The following GREB1L variants were observed in gnomAD, a reference collection of about 807,000 sequenced individuals.
GREB1L encodes the protein GREB1 like retinoic acid receptor coactivator, also known as GREB1-like protein.
Under a neutral mutation model 200.8 loss-of-function variants are expected in GREB1L, and 17 were observed. That is an observed-to-expected ratio of 0.08 (90% CI 0.06 to 0.13). GREB1L has a LOEUF of 0.13. Ranked by LOEUF, GREB1L falls within the 10% of genes least tolerant of loss-of-function variation. The pLI, the probability that GREB1L is intolerant of heterozygous loss-of-function variation, is 1.00. For synonymous variants in GREB1L, 789 were observed against 893.0 expected, an observed-to-expected ratio of 0.88 and a Z score of 2.08; for missense variants, 1,657 against 2,367.7, an observed-to-expected ratio of 0.70 and a Z score of 6.23.
intron 1 of GREB1L, among the ~76,000 whole-genome samples, chr18:21,288,550 T>C (rs1369193891): frequency 6.6e-6 from 1 of 152,212 alleles, no homozygotes; most frequent in Non-Finnish European, 1.5e-5. Context: ...TGGATATTCT[T>C]TTTATAGTTT....
chr18:21,263,123 G>T (rs1455382133), intron 1 of GREB1L, among the ~76,000 whole-genome samples: 1 of 152,200 alleles, frequency 6.6e-6, no homozygotes, highest in Non-Finnish European at 1.5e-5. Context: ...TGGGGAGAAT[G>T]AAACTTGAAT....
chr18:21,399,616 G>A (rs1386403685), intron 5 of GREB1L, among the ~76,000 whole-genome samples: 1 of 152,138 alleles, frequency 6.6e-6, no homozygotes, highest in Non-Finnish European at 1.5e-5. Flanking sequence ...ATAGTCAAAT[G>A]TTCTCAAATA....
chr18:21,266,214 T>C (rs1196373747), intron 1 of GREB1L, among the ~76,000 whole-genome samples: 1 of 152,190 alleles, frequency 6.6e-6, no homozygotes, highest in African/African-American at 2.4e-5. Context: ...CTCAGCTGGT[T>C]ACGGTATCAA....
In GREB1L at chr18:21,421,768, C is replaced by T. The variant is rs150154675; in HGVS notation, c.833-17753C>T. ...TAATAATTGGTGAAATAAGAGGTAA[C>T]GAGTGGCAAAAATCAAGATTCAAAC... On this transcript the variant is annotated intron_variant, in intron 7 of 32. Coordinates refer to ENST00000424526, the MANE Select transcript of GREB1L (RefSeq NM_001142966.3). Among the ~76,000 whole-genome samples the T allele has an allele frequency of 2.7e-3, 405 of 152,214 alleles. 1 individual carries two copies. Among genetic ancestry groups the T allele is most frequent in the Non-Finnish European group, 4.7e-3 (318 of 68,014 alleles).
At chr18:21,511,017 G>A (rs1206768316) in intron 27 of GREB1L, among the ~76,000 whole-genome samples, 1 of 152,098 alleles carries the variant, frequency 6.6e-6, no homozygotes, top group Non-Finnish European at 1.5e-5. Context: ...TTGTTGTTGA[G>A]TTGTAGCAGT....
chr18:21,366,468 C>T (rs2143649420), intron 2 of GREB1L, among the ~76,000 whole-genome samples: 1 of 152,212 alleles, frequency 6.6e-6, no homozygotes, highest in South Asian at 2.1e-4. Context: ...AGATTATAGG[C>T]TTCTGCATAA....
At chr18:21,432,985 G>A (rs1314367050) in intron 7 of GREB1L, among the ~76,000 whole-genome samples, 1 of 152,078 alleles carries the variant, frequency 6.6e-6, no homozygotes, top group African/African-American at 2.4e-5. Flanking sequence ...GGGATTACAG[G>A]CATGAGCCAC....
At chr18:21,310,761 A>G (rs747623517) in intron 1 of GREB1L, among the ~76,000 whole-genome samples, 6 of 152,218 alleles carry the variant, frequency 3.9e-5, no homozygotes, top group Non-Finnish European at 8.8e-5. Flanking sequence ...TGACATTTCC[A>G]TCATTAGTAA....
chr18:21,335,682 G>A (rs1244203089), intron 1 of GREB1L, among the ~76,000 whole-genome samples: 2 of 138,206 alleles, frequency 1.4e-5, no homozygotes, highest in East Asian at 2.1e-4. Context: ...TTTTTTTTTC[G>A]AGACAGAGTC....
intron 1 of GREB1L, among the ~76,000 whole-genome samples, chr18:21,349,079 G>T (rs944767931): frequency 6.6e-5 from 10 of 152,144 alleles, no homozygotes; most frequent in African/African-American, 1.9e-4. Flanking sequence ...CAATGAAAGG[G>T]CTTCTCTTCT....
chr18:21,485,446 G>A, intron 17 of GREB1L, 174 bp from the exon 18 acceptor site: 1 of 458,894 alleles, frequency 2.2e-6, no homozygotes, highest in Admixed American at 4.1e-5. Context: ...GTTTCACTTA[G>A]TGCCTCAGAG....
chr18:21,516,976 C>T (rs544776531), intron 30 of GREB1L, among the ~76,000 whole-genome samples: 2 of 149,428 alleles, frequency 1.3e-5, no homozygotes, highest in South Asian at 2.1e-4. Flanking sequence ...TGGGTTCAAG[C>T]GATTCTTGTA....
chr18:21,441,620 C>G, intron 10 of GREB1L, 83 bp downstream of exon 10: 1 of 1,244,456 alleles, frequency 8.0e-7, no homozygotes, highest in South Asian at 1.5e-5. Flanking sequence ...TTCATGTATT[C>G]ATGAAGATAT....
intron 11 of GREB1L, among the ~76,000 whole-genome samples, chr18:21,448,356 A>G (rs1314405715): frequency 7.2e-5 from 11 of 152,132 alleles, no homozygotes; most frequent in Admixed American, 1.3e-4. Context: ...TTTATAATGT[A>G]TAAGATTTTA....
intron 1 of GREB1L, among the ~76,000 whole-genome samples, chr18:21,262,752 T>C (rs1567912451): frequency 1.3e-5 from 2 of 152,158 alleles, no homozygotes; most frequent in Non-Finnish European, 2.9e-5. Flanking sequence ...GCCAGTGATA[T>C]CAACCCATGG....
At chr18:21,371,126 T>C (rs972711228) in intron 2 of GREB1L, among the ~76,000 whole-genome samples, 2 of 152,174 alleles carry the variant, frequency 1.3e-5, no homozygotes, top group African/African-American at 4.8e-5. Context: ...ATTGAAATTT[T>C]AGTTCCCCAG....
At position 21,495,681 on chromosome 18, in the gene GREB1L, A is replaced by G; in HGVS notation, c.3042A>G (p.Gly1014=). Residue 1014 remains glycine (G), a synonymous_variant, in exon 20 of 33, where the codon GGA becomes GGG. Coordinates refer to ENST00000424526, the MANE Select transcript of GREB1L (RefSeq NM_001142966.3). The part of the protein sequence containing the change: ...HFVARLKSWR[G]NEPEEWIPRT... ...GTCTCTTTCTGTAGAGTTGGAGAGG[A>G]AATGAACCAGAAGAGTGGATCCCTC... is the stretch of plus-strand genomic sequence containing the variant. 4 of 1,513,246 alleles carry G rather than the reference A, an allele frequency of 2.6e-6. No individual in the cohort carries two copies. The highest frequency in any genetic ancestry group is 1.4e-5 in the African/African-American group (1 of 72,226). 93.7% of individuals were successfully genotyped at this position (1,513,246 alleles called of 1,614,324 possible). A position where few individuals can be genotyped will look rare whatever the true frequency, so the allele number is the denominator to read the frequency against.
intron 13 of GREB1L, 152 bp downstream of exon 13, chr18:21,451,303 AC>A: frequency 1.2e-6 from 1 of 807,866 alleles, no homozygotes; most frequent in South Asian, 1.9e-5. Context: ...TGTCACTAAC[AC>A]CACAGGAAGC....
intron 21 of GREB1L, 70 bp downstream of exon 21, chr18:21,496,768 C>A: frequency 1.3e-6 from 2 of 1,502,700 alleles, no homozygotes; most frequent in South Asian, 2.6e-5. Context: ...ATTTGGAAGG[C>A]AGAGGCATTT....
Sources: allele counts gnomAD v4.1 joint callset (sites outside exome capture counted in the v4.1 genomes callset), GRCh38; gene constraint gnomAD v4.1.1; transcripts MANE v1.5; gene names NCBI Gene and HGNC (gene_info 2026-07-23, HGNC 2026-07-21).